Variants in TMEM245 observed in about 807,000 individuals in gnomAD.
TMEM245 encodes the protein transmembrane protein 245, also known as protein CG-2.
Under a neutral mutation model 101.2 loss-of-function variants are expected in TMEM245, and 69 were observed. The ratio of observed to expected loss-of-function variants is 0.68; its 90% CI spans 0.56 to 0.83. The LOEUF (loss-of-function observed/expected upper bound fraction) is 0.83, where lower values mean the gene tolerates loss of function less well. Among genes scored for constraint, TMEM245 ranks in the 40% least tolerant of loss-of-function variants. The probability of loss-of-function intolerance (pLI) is 0.00; values close to 1 mark genes in which losing one functional copy is unlikely to be tolerated. For missense variants in TMEM245, 1,075 were observed against 1,092.8 expected (o/e 0.98, Z 0.23); for synonymous variants, 537 against 449.8 (o/e 1.19, Z -2.45).
chr9:109,046,130 C>T (rs1828482184), intron 14 of TMEM245: 1 of 421,040 alleles, frequency 2.4e-6, no homozygotes. Flanking sequence ...GCATGGCATA[C>T]ACACTGTCTT....
chr9:109,059,676 C>A lies in TMEM245; in HGVS notation c.1722+678G>T, dbSNP rs143014716. ...CTCCAGTCTGGGTGACAGAGCGAGA[C>A]CCTGTCTCAAAAAATAAATAAATAA... is the stretch of plus-strand genomic sequence containing the variant. On this transcript the variant is annotated intron_variant, in intron 11 of 17. Transcript: ENST00000374586. Among the ~76,000 whole-genome samples, 302 of 152,060 alleles carry A rather than the reference C, an allele frequency of 2.0e-3. 3 individuals carry two copies. The highest frequency in any genetic ancestry group is 6.6e-3 in the African/African-American group (275 of 41,502).
intron 2 of TMEM245, among the ~76,000 whole-genome samples, chr9:109,107,591 C>G (rs1489122183): frequency 3.3e-5 from 5 of 152,116 alleles, no homozygotes; most frequent in Admixed American, 2.6e-4. Context: ...CATTCCAACT[C>G]AACAAAGCTA....
chr9:109,103,575 T>G (rs1354568635), intron 3 of TMEM245, among the ~76,000 whole-genome samples: 1 of 152,116 alleles, frequency 6.6e-6, no homozygotes, highest in Non-Finnish European at 1.5e-5. Context: ...ATCCTGTCAT[T>G]TGCAATAACA....
Position 109,119,806 on chromosome 9 carries a change from G to C in TMEM245, c.108C>G (p.Thr36=). The change falls in exon 1 of 18, where the codon ACC becomes ACG. Residue 36 remains threonine (T), a synonymous_variant. Coordinates refer to ENST00000374586, the MANE Select transcript of TMEM245 (RefSeq NM_032012.4). ...AVGPSGGGGE[T]PRTAALALRF... ...GCAGCGCCAGCGCCGCGGTCCGCGG[G>C]GTCTCCCCGCCACCGCCACTCGGCC... 1 of 1,453,292 alleles carries C rather than the reference G, an allele frequency of 6.9e-7. No individual in the cohort carries two copies. Among genetic ancestry groups the C allele is most frequent in the South Asian group, 1.3e-5 (1 of 74,664 alleles). 90.0% of individuals were successfully genotyped at this position (1,453,292 alleles called of 1,614,324 possible).
intron 12 of TMEM245, among the ~76,000 whole-genome samples, chr9:109,053,987 A>G (rs1355527765): frequency 6.6e-6 from 1 of 152,184 alleles, no homozygotes; most frequent in Non-Finnish European, 1.5e-5. Flanking sequence ...GACATGAGTC[A>G]CGTGACCTCA....
intron 14 of TMEM245, 92 bp downstream of exon 14, chr9:109,050,191 T>C: frequency 6.9e-7 from 1 of 1,458,444 alleles, no homozygotes; most frequent in Non-Finnish European, 9.4e-7. Context: ...AGTTTAGCAC[T>C]GAATGTTATC....
intron 3 of TMEM245, among the ~76,000 whole-genome samples, chr9:109,099,199 A>C (rs1267855803): frequency 6.6e-6 from 1 of 152,208 alleles, no homozygotes; most frequent in Non-Finnish European, 1.5e-5. Flanking sequence ...AATGGCTTCT[A>C]GTATCACGTC....
chr9:109,080,627 A>G (rs1018266671), intron 8 of TMEM245, among the ~76,000 whole-genome samples: 2 of 152,118 alleles, frequency 1.3e-5, no homozygotes, highest in African/African-American at 4.8e-5. Context: ...TTTCGATAAA[A>G]TAAAAATGCA....
chr9:109,099,727 G>C (rs1465139334), intron 3 of TMEM245, among the ~76,000 whole-genome samples: 1 of 152,078 alleles, frequency 6.6e-6, no homozygotes, highest in African/African-American at 2.4e-5. Context: ...AGACGCCAAG[G>C]GAACATACTG....
intron 8 of TMEM245, among the ~76,000 whole-genome samples, chr9:109,075,898 T>C (rs540148957): frequency 6.6e-6 from 1 of 152,312 alleles, no homozygotes; most frequent in Non-Finnish European, 1.5e-5. Context: ...TTGGATTTAA[T>C]TTGCTATTAT....
chr9:109,068,952 G>A (rs1436049962), intron 9 of TMEM245, among the ~76,000 whole-genome samples: 1 of 152,174 alleles, frequency 6.6e-6, no homozygotes, highest in African/African-American at 2.4e-5. Flanking sequence ...TGAGTGTGTT[G>A]ATAGCTGACA....
intron 4 of TMEM245, among the ~76,000 whole-genome samples, chr9:109,092,279 A>C (rs1310327873): frequency 6.6e-6 from 1 of 152,068 alleles, no homozygotes. Context: ...CATAATTTTC[A>C]TAAGCAATCA....
At chr9:109,061,255 G>A (rs1829002766) in intron 10 of TMEM245, among the ~76,000 whole-genome samples, 1 of 152,080 alleles carries the variant, frequency 6.6e-6, no homozygotes, top group Non-Finnish European at 1.5e-5. Flanking sequence ...GGTTGAGGCT[G>A]CAGTGAGCCG....
intron 2 of TMEM245, among the ~76,000 whole-genome samples, chr9:109,107,331 G>A (rs111763330): frequency 0.031 from 4,677 of 151,318 alleles, 242 homozygotes; most frequent in African/African-American, 0.11. Context: ...CCCAGGAGGT[G>A]GAGGCTGCAG....
At chr9:109,050,242 A>T (rs1444085078) in intron 14 of TMEM245, 41 bp downstream of exon 14, 3 of 1,605,450 alleles carry the variant, frequency 1.9e-6, no homozygotes, top group Non-Finnish European at 2.6e-6. Flanking sequence ...ATGGAAAAAA[A>T]GTTCTGGGAG....
At chr9:109,037,294 G>C (rs1828158173) in intron 15 of TMEM245, among the ~76,000 whole-genome samples, 1 of 152,214 alleles carries the variant, frequency 6.6e-6, no homozygotes, top group African/African-American at 2.4e-5. Context: ...GTTGCTCCCT[G>C]CCAATCAGTT....
chr9:109,118,456 T>C (rs2805888), intron 1 of TMEM245, among the ~76,000 whole-genome samples: 117,450 of 152,084 alleles, frequency 0.77, 45,439 homozygotes, highest in Admixed American at 0.79. Flanking sequence ...TTTAACAGTC[T>C]CCAGTTAAAT....
Position 109,062,753 on chromosome 9 carries a change from G to A in TMEM245, c.1623+1724C>T, listed in dbSNP as rs183167653. On this transcript the variant is annotated intron_variant, in intron 10 of 17. Coordinates refer to ENST00000374586, the MANE Select transcript of TMEM245 (RefSeq NM_032012.4). The stretch of plus-strand genomic sequence containing the variant: ...TGGGAGGCCATGGTGGAAGGATTGC[G>A]TAAGCACAGGAGTTCGAGACCAGCC... 9.9e-4 allele frequency among the ~76,000 whole-genome samples: 150 copies of A among 152,266 alleles called. 1 individual carries two copies. The highest frequency in any genetic ancestry group is 3.1e-3 in the African/African-American group (129 of 41,552).
intron 1 of TMEM245, among the ~76,000 whole-genome samples, chr9:109,116,962 G>A (rs1270168892): frequency 6.6e-6 from 1 of 152,074 alleles, no homozygotes; most frequent in Non-Finnish European, 1.5e-5. Context: ...AACTCAGATT[G>A]ACCTGAAGGT....
Sources: allele counts gnomAD v4.1 joint callset (sites outside exome capture counted in the v4.1 genomes callset), GRCh38; gene constraint gnomAD v4.1.1; transcripts MANE v1.5; gene names NCBI Gene and HGNC (gene_info 2026-07-23, HGNC 2026-07-21).